EPB41L1: variants seen among roughly 807,000 people sequenced by gnomAD.
EPB41L1 encodes the protein band 4.1-like protein 1.
In EPB41L1, 29 loss-of-function variants were observed where a neutral mutation model predicts 97.8. The ratio of observed to expected loss-of-function variants is 0.30; its 90% CI spans 0.22 to 0.40. The LOEUF (loss-of-function observed/expected upper bound fraction) is 0.40. Ranked by LOEUF, EPB41L1 falls within the 10% of genes least tolerant of loss-of-function variation. EPB41L1 has a pLI of 1.00. For synonymous variants in EPB41L1, 383 were observed against 459.2 expected (o/e 0.83, Z 2.12); for missense variants, 812 against 1,162.3 (o/e 0.70, Z 4.38).
rs1287989950 is a variant in EPB41L1, at chr20:36,206,758, G to A, written c.1669-2730G>A. ...TGAAGGCTGGGAAGATGCCCAGTGG[G>A]GAGTGGAAGGAGAGTTTCCCCACCT... is the stretch of plus-strand genomic sequence containing the variant. On this transcript the variant is annotated intron_variant, in intron 14 of 21. Coordinates refer to ENST00000338074, the MANE Select transcript of EPB41L1 (RefSeq NM_012156.2). The surrounding 1 kb of genome is among the most constrained non-coding windows in gnomAD (Gnocchi z 5.5). 2 of 1,289,876 alleles carry A rather than the reference G, an allele frequency of 1.6e-6. No homozygotes were observed. The highest frequency in any genetic ancestry group is 2.3e-5 in the Admixed American group (1 of 43,576). 79.9% of individuals were successfully genotyped at this position (1,289,876 alleles called of 1,614,324 possible).
chr20:36,182,223 C>T, intron 5 of EPB41L1, 49 bp from the exon 6 acceptor site: 1 of 1,558,796 alleles, frequency 6.4e-7, no homozygotes, highest in Non-Finnish European at 8.8e-7. Flanking sequence ...ATCTGGACCA[C>T]CCAGTGGGGT....
intron 2 of EPB41L1, among the ~76,000 whole-genome samples, chr20:36,122,978 A>G (rs2058807097): frequency 6.6e-6 from 1 of 151,964 alleles, no homozygotes; most frequent in African/African-American, 2.4e-5. Flanking sequence ...TGTCGATAGG[A>G]TCAGCCAACA....
At chr20:36,112,258 G>C (rs1249677350) in intron 1 of EPB41L1, among the ~76,000 whole-genome samples, 1 of 152,160 alleles carries the variant, frequency 6.6e-6, no homozygotes, top group Non-Finnish European at 1.5e-5. Context: ...GTGCATATTT[G>C]TTACTTTCTA....
chr20:36,153,094 AGGAGGTTTAAGTT>A (rs1440786759), upstream of EPB41L1: 2 of 456,590 alleles, frequency 4.4e-6, no homozygotes, highest in African/African-American at 4.0e-5. Context: ...CACCTGATGA[AGGAGGTTTAAGTT>A]GGAGAAGAGA....
At chr20:36,167,703 A>G (rs2060796757) in intron 1 of EPB41L1, among the ~76,000 whole-genome samples, 1 of 151,380 alleles carries the variant, frequency 6.6e-6, no homozygotes, top group South Asian at 2.1e-4. Context: ...GTGAGACTCC[A>G]TCTCCAATAA....
intron 14 of EPB41L1, among the ~76,000 whole-genome samples, chr20:36,200,000 G>A (rs914321705): frequency 3.3e-5 from 5 of 152,200 alleles, no homozygotes; most frequent in South Asian, 4.1e-4. Flanking sequence ...CTGCTCAGCC[G>A]CAAGAAGTAT....
At chr20:36,193,642 C>T (rs1186166581) in intron 11 of EPB41L1, among the ~76,000 whole-genome samples, 1 of 152,210 alleles carries the variant, frequency 6.6e-6, no homozygotes, top group Non-Finnish European at 1.5e-5. Flanking sequence ...CCTGAATTCT[C>T]CCTAATTTAT....
chr20:36,204,471 CTTTTTT>C (rs765673962), intron 14 of EPB41L1, among the ~76,000 whole-genome samples: 10 of 90,602 alleles, frequency 1.1e-4, no homozygotes, highest in African/African-American at 5.8e-4. Context: ...CGATCTGGTG[CTTTTTT>C]TTTTTTTTTT....
At chr20:36,106,358 G>A (rs967642537) in intron 1 of EPB41L1, among the ~76,000 whole-genome samples, 3 of 152,254 alleles carry the variant, frequency 2.0e-5, no homozygotes, top group Admixed American at 6.5e-5. Flanking sequence ...ACTTCTAGAA[G>A]GCTGAGCCTC....
chr20:36,177,261 T>C (rs1183764910), intron 3 of EPB41L1, among the ~76,000 whole-genome samples: 2 of 152,320 alleles, frequency 1.3e-5, no homozygotes, highest in East Asian at 3.9e-4. Flanking sequence ...TCTTTACCCC[T>C]GTGGGTTTGG....
intron 1 of EPB41L1, among the ~76,000 whole-genome samples, chr20:36,166,917 A>C (rs1014644605): frequency 2.0e-5 from 3 of 152,192 alleles, no homozygotes; most frequent in African/African-American, 7.2e-5. Context: ...TGCTTAATGG[A>C]TTCGAAGTTT....
intron 14 of EPB41L1, among the ~76,000 whole-genome samples, chr20:36,204,480 T>G (rs1216359224): frequency 7.0e-6 from 1 of 142,560 alleles, no homozygotes; most frequent in Non-Finnish European, 1.5e-5. Context: ...GCTTTTTTTT[T>G]TTTTTTTTTT....
rs1408844644 is a variant in EPB41L1, at chr20:36,207,463, T to C, written c.1669-2025T>C. 4 of 1,289,642 alleles carry C rather than the reference T, an allele frequency of 3.1e-6. No homozygotes were observed. In the East Asian group the frequency reaches 2.2e-4, roughly 72 times the overall value. The allele number at this position is 1,289,642 out of a possible 1,614,324, so 79.9% of individuals were successfully genotyped here. A position where few individuals can be genotyped will look rare whatever the true frequency, so the allele number is the denominator to read the frequency against. Reference sequence around the variant, plus strand: ...CTCAGTGGCCAACAAAATTCGGATATTTGAGACCCACGGAGCTGAAACTCG... The same window carrying C: ...CTCAGTGGCCAACAAAATTCGGATACTTGAGACCCACGGAGCTGAAACTCG... On this transcript the variant is annotated intron_variant, in intron 14 of 21. Coordinates refer to ENST00000338074, the MANE Select transcript of EPB41L1 (RefSeq NM_012156.2). This position sits in a 1 kb window ranked among gnomAD's most constrained non-coding sequence, Gnocchi z 4.9.
At position 36,202,859 on chromosome 20, in the gene EPB41L1, C is replaced by T. The variant is rs1455829950; in HGVS notation, c.1668+4818C>T. 2.0e-5 allele frequency among the ~76,000 whole-genome samples: 3 copies of T among 151,576 alleles called. No homozygotes were observed. The East Asian group carries it at 5.8e-4, about 29-fold the overall frequency. Reference sequence around the variant, plus strand: ...AGGCCCCAAAATGTGACCCAGAGCTCCAGGAGGGGCCTGAACAGCCTGGAG... The same window carrying T: ...AGGCCCCAAAATGTGACCCAGAGCTTCAGGAGGGGCCTGAACAGCCTGGAG... On this transcript the variant is annotated intron_variant, in intron 14 of 21. Transcript: ENST00000338074.
At chr20:36,106,684 G>A (rs926554313) in intron 1 of EPB41L1, among the ~76,000 whole-genome samples, 4 of 152,170 alleles carry the variant, frequency 2.6e-5, no homozygotes, top group South Asian at 2.1e-4. Flanking sequence ...CTTTACCTTC[G>A]AGGCTTAGCT....
chr20:36,155,513 T>C lies in EPB41L1; in HGVS notation c.-15+617T>C, dbSNP rs1332359725. 16 of 443,816 alleles carry C rather than the reference T, an allele frequency of 3.6e-5. No homozygotes were observed. In the Admixed American group the frequency reaches 3.7e-4, roughly 10 times the overall value. 27.5% of individuals were successfully genotyped at this position (443,816 alleles called of 1,614,324 possible). On this transcript the variant is annotated intron_variant, in intron 1 of 21. Transcript: ENST00000338074. ...CCACTTGTGTCTGGCACCTTCACAC[T>C]TGGGGAGGTCCAAGGGCCCGAGAGG...
chr20:36,205,029 A>T (rs1047269104), intron 14 of EPB41L1, among the ~76,000 whole-genome samples: 2 of 151,770 alleles, frequency 1.3e-5, no homozygotes, highest in South Asian at 4.2e-4. Context: ...TGCTCTTTCT[A>T]TGGGTTTTGT....
At chr20:36,133,367 C>T (rs906253221) in intron 2 of EPB41L1, among the ~76,000 whole-genome samples, 8 of 152,222 alleles carry the variant, frequency 5.3e-5, no homozygotes, top group African/African-American at 1.9e-4. Flanking sequence ...TCTAGTTCAC[C>T]CCTCTCATTA....
intron 2 of EPB41L1, among the ~76,000 whole-genome samples, chr20:36,124,508 A>G (rs889059387): frequency 4.6e-5 from 7 of 152,162 alleles, no homozygotes; most frequent in African/African-American, 1.4e-4. Context: ...AATTTATTCC[A>G]GTCTCAAGAC....
Sources: allele counts gnomAD v4.1 joint callset (sites outside exome capture counted in the v4.1 genomes callset), GRCh38; gene constraint gnomAD v4.1.1; non-coding constraint Gnocchi (gnomAD v3.1); transcripts MANE v1.5; gene names NCBI Gene and HGNC (gene_info 2026-07-23, HGNC 2026-07-21).